CPLANE1: variants seen among roughly 807,000 people sequenced by gnomAD.
The protein encoded by CPLANE1 is ciliogenesis and planar polarity effector complex subunit 1.
In CPLANE1, 263 loss-of-function variants were observed where a neutral mutation model predicts 362.5. The observed-to-expected ratio is 0.73, with a 90% CI of 0.66 to 0.80. CPLANE1 has a LOEUF of 0.80. Among genes scored for constraint, CPLANE1 ranks in the 30% least tolerant of loss-of-function variants. The pLI is 0.00. For synonymous variants in CPLANE1, 1,212 were observed against 1,302.6 expected (o/e 0.93, Z 1.50); for missense variants, 3,461 against 3,793.4 (o/e 0.91, Z 2.30).
intron 50 of CPLANE1, among the ~76,000 whole-genome samples, chr5:37,118,353 G>C (rs1400995896): frequency 6.8e-6 from 1 of 147,166 alleles, no homozygotes; most frequent in Non-Finnish European, 1.5e-5. Context: ...GTTGCAGTGA[G>C]CCAAGATCAT....
chr5:37,209,895 C>A lies in CPLANE1; in HGVS notation c.2921-3470G>T. On this transcript the variant is annotated intron_variant, in intron 16 of 52. Transcript: ENST00000651892. This position sits in a 1 kb window ranked among gnomAD's most constrained non-coding sequence, Gnocchi z 4.6. ...AGATTCTCTGGCTGAGAAGCTTCAG[C>A]TTATTGATGATCAGTTTGCAGATGC... 6.9e-7 allele frequency: 1 copy of A among 1,441,674 alleles called. No individual in the cohort carries two copies. Among genetic ancestry groups the A allele is most frequent in the Non-Finnish European group, 9.8e-7 (1 of 1,024,928 alleles). The allele number at this position is 1,441,674 out of a possible 1,614,324, so 89.3% of individuals were successfully genotyped here.
In CPLANE1 at chr5:37,206,320, A is replaced by G. The variant is rs1300486446; in HGVS notation, c.3026T>C (p.Leu1009Pro). 3.2e-6 allele frequency: 5 copies of G among 1,551,470 alleles called. No homozygotes were observed. Among genetic ancestry groups the G allele is most frequent in the Non-Finnish European group, 4.4e-6 (5 of 1,146,816 alleles). ...VWTVEYALEL[L>P]FIGGLVPEAV... is the part of the protein sequence containing the mutation. Reference sequence around the variant, plus strand: ...CTCTGGAACCAGGCCACCAATAAATAGTAATTCAAGTGCATATTCAACTGT... The same window carrying G: ...CTCTGGAACCAGGCCACCAATAAATGGTAATTCAAGTGCATATTCAACTGT... The change falls in exon 17 of 53, where the codon CTA becomes CCA. Residue 1009 changes from leucine (L) to proline (P), a missense_variant. Physicochemically the swap from Leu to Pro is moderately conservative, Grantham distance 98 (BLOSUM62 -3). This residue lies in a region of CPLANE1 where 3,380 missense variants were observed against 3,666.1 expected (regional missense o/e 0.92). Coordinates refer to ENST00000651892, the MANE Select transcript of CPLANE1 (RefSeq NM_001384732.1).
intron 47 of CPLANE1, among the ~76,000 whole-genome samples, chr5:37,123,878 T>C (rs1056534006): frequency 2.0e-5 from 3 of 151,524 alleles, no homozygotes; most frequent in South Asian, 2.1e-4. Flanking sequence ...TTTACTTCAC[T>C]GACAGCGAGA....
At chr5:37,138,874 A>C in intron 45 of CPLANE1, 26 bp from the exon 46 acceptor site, 1 of 1,587,324 alleles carries the variant, frequency 6.3e-7, no homozygotes, top group Non-Finnish European at 8.5e-7. Flanking sequence ...TAATTTAAGA[A>C]ATATAAATCA....
At position 37,209,574 on chromosome 5, in the gene CPLANE1, A is replaced by G. The variant is rs966858933; in HGVS notation, c.2921-3149T>C. The G allele has an allele frequency of 4.4e-6, 6 of 1,364,318 alleles. No individual in the cohort carries two copies. Among genetic ancestry groups the G allele is most frequent in the South Asian group, 1.2e-5 (1 of 85,874 alleles). The allele number at this position is 1,364,318 out of a possible 1,614,324, so 84.5% of individuals were successfully genotyped here. On this transcript the variant is annotated intron_variant, in intron 16 of 52. Transcript: ENST00000651892. This position sits in a 1 kb window ranked among gnomAD's most constrained non-coding sequence, Gnocchi z 4.6. ...TTCAGTGCAAGGGAGCTCCCTCTTA[A>G]TAAGTGCCTCTAACTCTTTAGTGGC...
intron 16 of CPLANE1, among the ~76,000 whole-genome samples, chr5:37,212,942 G>A (rs887180276): frequency 4.6e-5 from 7 of 152,206 alleles, no homozygotes; most frequent in South Asian, 2.1e-4. Context: ...GGCCGGGCAC[G>A]TGGCGCACGC....
At chr5:37,161,730 A>G (rs984890293) in intron 38 of CPLANE1, among the ~76,000 whole-genome samples, 1 of 152,228 alleles carries the variant, frequency 6.6e-6, no homozygotes, top group African/African-American at 2.4e-5. Context: ...TTAACAATGT[A>G]AAATGCACAA....
chr5:37,139,276 C>A, intron 45 of CPLANE1, 64 bp downstream of exon 45: 1 of 1,359,650 alleles, frequency 7.4e-7, no homozygotes, highest in Non-Finnish European at 9.9e-7. Flanking sequence ...CACATATGAA[C>A]AAAATTTTCA....
chr5:37,180,187 A>G lies in CPLANE1; in HGVS notation c.5571-4T>C, dbSNP rs754396741. On this transcript the variant is annotated splice_polypyrimidine_tract_variant and splice_region_variant and intron_variant, in intron 27 of 52. Coordinates refer to ENST00000651892, the MANE Select transcript of CPLANE1 (RefSeq NM_001384732.1). ...TTTTGCTTCAGTTGGCATTCTACTG[A>G]AAAAAATGCAGCAACTAAAATTACA... 1 of 1,443,210 alleles carries G rather than the reference A, an allele frequency of 6.9e-7. No individual in the cohort carries two copies. Among genetic ancestry groups the G allele is most frequent in the Admixed American group, 2.6e-5 (1 of 38,028 alleles). 89.4% of individuals were successfully genotyped at this position (1,443,210 alleles called of 1,614,324 possible).
Position 37,157,859 on chromosome 5 carries a change from T to A in CPLANE1, c.7822A>T (p.Thr2608Ser), listed in dbSNP as rs1294607805. 2 of 1,593,614 alleles carry A rather than the reference T, an allele frequency of 1.3e-6. No individual in the cohort carries two copies. The highest frequency in any genetic ancestry group is 2.8e-5 in the African/African-American group (2 of 71,362). ...TCAATGTCAATCACATTTATATAAG[T>A]ATGTCCAACCTGAGCCAAAACACAT... ...PHTVTNLVGH[T>S]YINVIDIEAN... Residue 2608 changes from threonine to serine, a missense_variant, in exon 40 of 53, where the codon ACT becomes TCT. Coordinates refer to ENST00000651892, the MANE Select transcript of CPLANE1 (RefSeq NM_001384732.1).
intron 43 of CPLANE1, among the ~76,000 whole-genome samples, chr5:37,147,050 T>C (rs2113060): frequency 0.13 from 20,358 of 152,058 alleles, 1,797 homozygotes; most frequent in Non-Finnish European, 0.2. Flanking sequence ...AATTCCACAA[T>C]CATTATGGGT....
chr5:37,149,801 T>C (rs1331602181), intron 42 of CPLANE1, among the ~76,000 whole-genome samples: 1 of 152,218 alleles, frequency 6.6e-6, no homozygotes, highest in African/African-American at 2.4e-5. Context: ...GTAAGGGCTT[T>C]GAGCAAATGC....
Position 37,107,158 on chromosome 5 carries a change from G to A in CPLANE1, c.*444C>T. 2 of 985,614 alleles carry A rather than the reference G, an allele frequency of 2.0e-6. No individual in the cohort carries two copies. Among genetic ancestry groups the A allele is most frequent in the Non-Finnish European group, 2.4e-6 (2 of 830,074 alleles). 61.1% of individuals were successfully genotyped at this position (985,614 alleles called of 1,614,324 possible). On this transcript the variant is annotated 3_prime_UTR_variant, in exon 53 of 53. Transcript: ENST00000651892. The stretch of plus-strand genomic sequence containing the variant: ...AACCCTGCATAGGTGTTTTAAAATA[G>A]GGTTCATAATTGAGTTCTCAGGTGA...
At chr5:37,112,637 T>C (rs1245093022) in intron 51 of CPLANE1, among the ~76,000 whole-genome samples, 1 of 152,220 alleles carries the variant, frequency 6.6e-6, no homozygotes, top group African/African-American at 2.4e-5. Flanking sequence ...AAACAGTGTC[T>C]ACAGAGTCTA....
At chr5:37,085,413 T>C in the CPLANE1 span, 2 of 1,085,462 alleles carry the variant, frequency 1.8e-6, no homozygotes, top group Non-Finnish European at 2.9e-6. Flanking sequence ...GGAGGCTAAG[T>C]ACAAATTGGG....
rs748543409 is a variant in CPLANE1 at position 37,183,184 on chromosome 5, T to A, written c.4997A>T (p.Asn1666Ile). 3.1e-6 allele frequency: 5 copies of A among 1,611,582 alleles called. No individual in the cohort carries two copies. The South Asian group carries it at 5.5e-5, about 18-fold the overall frequency. Residue 1666 changes from asparagine to isoleucine, a missense_variant, in exon 26 of 53, where the codon AAT becomes ATT. Asn to Ile is a moderately radical substitution (Grantham distance 149, BLOSUM62 -3). Coordinates refer to ENST00000651892, the MANE Select transcript of CPLANE1 (RefSeq NM_001384732.1). ...GIKPFLQYPS[N>I]EVNKNEGMSG... ...CATTCCTTCATTCTTATTGACTTCA[T>A]TCGAAGGATATTGTAAAAAAGGTTT...
At chr5:37,199,002 CAGG>C in intron 19 of CPLANE1, 136 bp from the exon 20 acceptor site, 1 of 719,586 alleles carries the variant, frequency 1.4e-6, no homozygotes, top group South Asian at 1.9e-5. Flanking sequence ...AAGGCTGAAG[CAGG>C]AGGACTGCTT....
At chr5:37,187,043 A>G (rs894600230) in intron 23 of CPLANE1, among the ~76,000 whole-genome samples, 1 of 135,422 alleles carries the variant, frequency 7.4e-6, no homozygotes, top group Non-Finnish European at 1.5e-5. Context: ...CCTGGGTGAC[A>G]GAGCGAGACT....
chr5:37,232,891 T>G (rs1315252663), intron 8 of CPLANE1, among the ~76,000 whole-genome samples: 1 of 144,900 alleles, frequency 6.9e-6, no homozygotes, highest in Admixed American at 6.9e-5. Context: ...GATAGCTGAC[T>G]AGACACAGGT....
Sources: allele counts gnomAD v4.1 joint callset (sites outside exome capture counted in the v4.1 genomes callset), GRCh38; gene constraint gnomAD v4.1.1; regional missense constraint gnomAD v4.1.1; non-coding constraint Gnocchi (gnomAD v3.1); transcripts MANE v1.5; gene names NCBI Gene and HGNC (gene_info 2026-07-23, HGNC 2026-07-21).